Variants in WDR70 observed in about 807,000 individuals in gnomAD.
WDR70 encodes WD repeat domain 70, also known as WD repeat-containing protein 70.
Under a neutral mutation model 88.6 loss-of-function variants are expected in WDR70, and 53 were observed. The observed-to-expected ratio is 0.60, with a 90% confidence interval of 0.48 to 0.75. The LOEUF (loss-of-function observed/expected upper bound fraction) is 0.75, where lower values mean the gene tolerates loss of function less well. WDR70 is among the 30% of genes least tolerant of loss of function. The pLI, the probability that WDR70 is intolerant of heterozygous loss-of-function variation, is 0.00. For missense variants in WDR70, 610 were observed against 823.2 expected (o/e 0.74, Z 3.17); for synonymous variants, 280 against 270.0 (o/e 1.04, Z -0.36).
intron 9 of WDR70, among the ~76,000 whole-genome samples, chr5:37,521,114 G>C (rs1201526496): frequency 1.3e-5 from 2 of 152,118 alleles, no homozygotes; most frequent in African/African-American, 4.8e-5. Flanking sequence ...AAAAAACTTT[G>C]TTCTCAAAAC....
At chr5:37,586,109 G>A (rs677084) in intron 9 of WDR70, among the ~76,000 whole-genome samples, 116,847 of 152,064 alleles carry the variant, frequency 0.77, 45,366 homozygotes, top group African/African-American at 0.88. Flanking sequence ...GCCAAATCGA[G>A]TGTTACCTTC....
At chr5:37,418,325 C>A (rs982474734) in intron 5 of WDR70, among the ~76,000 whole-genome samples, 1 of 151,828 alleles carries the variant, frequency 6.6e-6, no homozygotes, top group South Asian at 2.1e-4. Flanking sequence ...AAATTTGAAT[C>A]TCCTGTTTTT....
At chr5:37,548,646 A>G (rs1742061185) in intron 9 of WDR70, among the ~76,000 whole-genome samples, 1 of 152,014 alleles carries the variant, frequency 6.6e-6, no homozygotes, top group African/African-American at 2.4e-5. Context: ...TTTTAACTTG[A>G]TATGATTCCA....
At chr5:37,739,863 A>G (rs1023393993) in intron 17 of WDR70, among the ~76,000 whole-genome samples, 1 of 152,170 alleles carries the variant, frequency 6.6e-6, no homozygotes, top group Non-Finnish European at 1.5e-5. Flanking sequence ...TCTCATTCCA[A>G]CAGAATATTT....
intron 13 of WDR70, among the ~76,000 whole-genome samples, chr5:37,710,753 G>A (rs529258594): frequency 7.2e-5 from 11 of 152,154 alleles, no homozygotes; most frequent in African/African-American, 1.9e-4. Context: ...GACTGATCCC[G>A]TCTTTATTTA....
intron 4 of WDR70, among the ~76,000 whole-genome samples, chr5:37,394,063 T>C (rs1288703294): frequency 6.6e-6 from 1 of 152,072 alleles, no homozygotes; most frequent in Admixed American, 6.6e-5. Flanking sequence ...TCCCAGCACT[T>C]TGGGAGGCCG....
chr5:37,680,070 C>CT (rs1192218361), intron 10 of WDR70, among the ~76,000 whole-genome samples: 1 of 152,114 alleles, frequency 6.6e-6, no homozygotes, highest in Non-Finnish European at 1.5e-5. Flanking sequence ...TGTTTTTTGA[C>CT]TTTTTAATTA....
chr5:37,731,727 A>G lies in WDR70; in HGVS notation c.1877+4682A>G, dbSNP rs115535384. On this transcript the variant is annotated intron_variant, in intron 17 of 17. Transcript: ENST00000265107. Reference sequence around the variant, plus strand: ...CTAACTGCTCCAAATATTTGTGTCTATGTTTACACACAAATCACTGAGATG... The same window carrying G: ...CTAACTGCTCCAAATATTTGTGTCTGTGTTTACACACAAATCACTGAGATG... 8.3e-3 allele frequency among the ~76,000 whole-genome samples: 1,261 copies of G among 152,254 alleles called. 20 individuals are homozygous for G. Among genetic ancestry groups the G allele is most frequent in the African/African-American group, 0.029 (1,199 of 41,558 alleles).
chr5:37,497,781 G>C (rs1435658423), intron 8 of WDR70, among the ~76,000 whole-genome samples: 1 of 151,662 alleles, frequency 6.6e-6, no homozygotes, highest in African/African-American at 2.4e-5. Context: ...TTATTTTTCA[G>C]TACTTTGGTT....
At chr5:37,681,377 G>A (rs1746431421) in intron 10 of WDR70, among the ~76,000 whole-genome samples, 1 of 152,170 alleles carries the variant, frequency 6.6e-6, no homozygotes, top group Non-Finnish European at 1.5e-5. Flanking sequence ...TCTGCAAACA[G>A]GGATAAATTG....
At chr5:37,400,459 G>C (rs920117654) in intron 5 of WDR70, among the ~76,000 whole-genome samples, 4 of 152,006 alleles carry the variant, frequency 2.6e-5, no homozygotes, top group Non-Finnish European at 5.9e-5. Context: ...CTCTCTTATT[G>C]TCTACATTAC....
intron 13 of WDR70, among the ~76,000 whole-genome samples, chr5:37,705,425 AGATG>A (rs1319084789): frequency 2.0e-5 from 3 of 152,170 alleles, no homozygotes; most frequent in Admixed American, 6.5e-5. Flanking sequence ...CCATTGTAAT[AGATG>A]GATGAAGAGA....
At chr5:37,695,874 C>A (rs1407026850) in intron 10 of WDR70, among the ~76,000 whole-genome samples, 1 of 152,170 alleles carries the variant, frequency 6.6e-6, no homozygotes, top group South Asian at 2.1e-4. Context: ...ATTCGGCTTA[C>A]CACAGTGCAG....
chr5:37,722,965 A>G (rs2112698578), intron 15 of WDR70, 31 bp downstream of exon 15: 3 of 1,609,284 alleles, frequency 1.9e-6, no homozygotes, highest in Non-Finnish European at 2.6e-6. Context: ...TCAATCATGC[A>G]TCTCTCTTCT....
chr5:37,424,655 C>A (rs1161004514), intron 5 of WDR70, among the ~76,000 whole-genome samples: 1 of 152,126 alleles, frequency 6.6e-6, no homozygotes, highest in Non-Finnish European at 1.5e-5. Context: ...AGCAGTCCTT[C>A]TGCCTCACCT....
At position 37,474,977 on chromosome 5, in the gene WDR70, G is replaced by A. The variant is rs567343302; in HGVS notation, c.687-4857G>A. On this transcript the variant is annotated intron_variant, in intron 7 of 17. Coordinates refer to ENST00000265107, the MANE Select transcript of WDR70 (RefSeq NM_018034.4). ...TCTATTGCCCAGGCTGGAGTGCAGTGGCATGATCTCAGCTCACCGCAATCT... is the reference window on the plus strand; with the variant it reads ...TCTATTGCCCAGGCTGGAGTGCAGTAGCATGATCTCAGCTCACCGCAATCT... 7.9e-5 allele frequency among the ~76,000 whole-genome samples: 12 copies of A among 152,060 alleles called. No individual in the cohort carries two copies. The East Asian group carries it at 2.3e-3, about 29-fold the overall frequency.
At chr5:37,422,377 C>T (rs1343138366) in intron 5 of WDR70, among the ~76,000 whole-genome samples, 2 of 151,796 alleles carry the variant, frequency 1.3e-5, no homozygotes, top group Non-Finnish European at 2.9e-5. Flanking sequence ...ATGCAATCTC[C>T]ACTTCCCGGA....
intron 9 of WDR70, among the ~76,000 whole-genome samples, chr5:37,571,209 C>T (rs576110947): frequency 3.9e-5 from 6 of 152,310 alleles, no homozygotes; most frequent in African/African-American, 1.4e-4. Flanking sequence ...CTAAGTAGCG[C>T]TGCCTATTGG....
chr5:37,690,717 C>T (rs1418568591), intron 10 of WDR70, among the ~76,000 whole-genome samples: 2 of 152,156 alleles, frequency 1.3e-5, no homozygotes, highest in African/African-American at 2.4e-5. Flanking sequence ...AAGTACTAAA[C>T]ATGAAAAGAA....
Sources: gnomAD v4.1 joint callset for allele counts (sites outside exome capture counted in the v4.1 genomes callset) on GRCh38, gnomAD v4.1.1 for gene constraint, MANE v1.5 for transcripts, NCBI Gene and HGNC (gene_info 2026-07-23, HGNC 2026-07-21) for gene names.